AMMECR1: variants seen among roughly 807,000 people sequenced by gnomAD.
AMMECR1 encodes the protein nuclear protein AMMECR1.
AMMECR1 carries 3 observed loss-of-function variants against 22.5 expected under a neutral mutation model. The observed-to-expected ratio is 0.13, with a 90% confidence interval of 0.06 to 0.35. AMMECR1 has a LOEUF of 0.35. Ranked by LOEUF, AMMECR1 falls within the 10% of genes least tolerant of loss-of-function variation. The pLI, the probability that AMMECR1 is intolerant of heterozygous loss-of-function variation, is 1.00. For missense variants in AMMECR1, 235 were observed against 278.7 expected (o/e 0.84, Z 1.12); for synonymous variants, 130 against 116.7 (o/e 1.11, Z -0.74).
Position 110,317,852 on chromosome X carries a change from G to C in AMMECR1, c.220C>G (p.Gln74Glu), listed in dbSNP as rs1453532929. Residue 74 changes from glutamine to glutamate, a missense_variant, in exon 1 of 6, where the codon CAG becomes GAG. Gln to Glu is a conservative substitution (Grantham distance 29). Coordinates refer to ENST00000262844, the MANE Select transcript of AMMECR1 (RefSeq NM_015365.3). Reference sequence around the variant, plus strand: ...CCCCCGCCGCCGCCGCCGCAGCCCTGGGGGGGAGAGAGGGTACAGCCGCTG... The same window carrying C: ...CCCCCGCCGCCGCCGCCGCAGCCCTCGGGGGGAGAGAGGGTACAGCCGCTG... ...SGSGCTLSPP[Q>E]GCGGGGGGIA... 32 of 1,171,161 alleles carry C rather than the reference G, an allele frequency of 2.7e-5. No individual in the cohort carries two copies. The highest frequency in any genetic ancestry group is 4.8e-4 in the Middle Eastern group (2 of 4,198).
intron 2 of AMMECR1, among the ~76,000 whole-genome samples, chrX:110,245,143 G>C (rs866969346): frequency 2.7e-5 from 3 of 112,041 alleles, no homozygotes; most frequent in Non-Finnish European, 5.6e-5. Context: ...CCTTGCTGCA[G>C]CTGGATTTGG....
At chrX:110,199,984 A>G (rs750960728) in intron 5 of AMMECR1, among the ~76,000 whole-genome samples, 5 of 111,431 alleles carry the variant, frequency 4.5e-5, no homozygotes, top group Non-Finnish European at 9.4e-5. Context: ...CAGCTTCTCT[A>G]TTACACTAAA....
intron 2 of AMMECR1, among the ~76,000 whole-genome samples, chrX:110,359,321 T>C (rs2068247479): frequency 8.9e-6 from 1 of 111,815 alleles, no homozygotes; most frequent in Admixed American, 9.5e-5. Flanking sequence ...ATGAACCCTC[T>C]AATGTTTTCT....
At chrX:110,295,093 G>T (rs993631434) in intron 1 of AMMECR1, among the ~76,000 whole-genome samples, 5 of 110,236 alleles carry the variant, frequency 4.5e-5, no homozygotes, top group Non-Finnish European at 7.6e-5. Flanking sequence ...ATTTTCCACG[G>T]TCTATTTAGA....
intron 2 of AMMECR1, among the ~76,000 whole-genome samples, chrX:110,325,084 G>A (rs972053721): frequency 9.0e-6 from 1 of 111,648 alleles, no homozygotes; most frequent in Non-Finnish European, 1.9e-5. Context: ...TTCTTTAAAT[G>A]TGTGGTAGAA....
At chrX:110,276,952 T>C (rs2067829168) in intron 1 of AMMECR1, among the ~76,000 whole-genome samples, 1 of 111,156 alleles carries the variant, frequency 9.0e-6, no homozygotes, top group South Asian at 3.9e-4. Context: ...TGCTGTGGTC[T>C]AGAAACTGCC....
chrX:110,389,614 G>GT (rs1003890567), intron 2 of AMMECR1, among the ~76,000 whole-genome samples: 32 of 106,317 alleles, frequency 3.0e-4, no homozygotes, highest in East Asian at 5.8e-4. Flanking sequence ...CAATCTTTTT[G>GT]TTTTTTTTTT....
chrX:110,302,831 G>A lies in AMMECR1; in HGVS notation c.473+14768C>T, dbSNP rs753374880. ...AGAGGTTGCAGTGAGCCGAGATCAC[G>A]CCATTGCACTCCAGTCTAGGCGACA... On this transcript the variant is annotated intron_variant, in intron 1 of 5. Transcript: ENST00000262844. Among the ~76,000 whole-genome samples the A allele has an allele frequency of 2.3e-3, 257 of 110,304 alleles. 1 individual carries two copies. The highest frequency in any genetic ancestry group is 4.4e-3 in the Non-Finnish European group (234 of 52,772).
At chrX:110,267,187 C>CT (rs566141725) in intron 1 of AMMECR1, among the ~76,000 whole-genome samples, 3 of 111,238 alleles carry the variant, frequency 2.7e-5, no homozygotes, top group South Asian at 7.7e-4. Flanking sequence ...GATTTATAAT[C>CT]TTTTCGGCAT....
chrX:110,321,096 A>G (rs2148229609), upstream of AMMECR1, among the ~76,000 whole-genome samples: 1 of 112,094 alleles, frequency 8.9e-6, no homozygotes, highest in East Asian at 2.8e-4. Flanking sequence ...TTTCATTCAA[A>G]CATAAACTAA....
At chrX:110,296,840 T>C (rs1488097167) in intron 1 of AMMECR1, among the ~76,000 whole-genome samples, 1 of 110,981 alleles carries the variant, frequency 9.0e-6, no homozygotes, top group East Asian at 2.8e-4. Flanking sequence ...GATTTAAAGT[T>C]TCATCTAGTA....
intron 1 of AMMECR1, among the ~76,000 whole-genome samples, chrX:110,430,230 C>T: frequency 8.9e-6 from 1 of 112,746 alleles, no homozygotes; most frequent in Admixed American, 9.4e-5. Flanking sequence ...TGGTACTTTA[C>T]CGCTTCTTTT....
At chrX:110,323,513 T>C (rs1291488934) in intron 2 of AMMECR1, among the ~76,000 whole-genome samples, 1 of 112,395 alleles carries the variant, frequency 8.9e-6, no homozygotes, top group East Asian at 2.8e-4. Context: ...ATATTTGCCT[T>C]TTTGTGTCTG....
At chrX:110,397,237 C>A (rs1484905511) in intron 2 of AMMECR1, among the ~76,000 whole-genome samples, 1 of 111,371 alleles carries the variant, frequency 9.0e-6, no homozygotes, top group Non-Finnish European at 1.9e-5. Context: ...CTTCCACTCC[C>A]CTGATATCCC....
chrX:110,217,814 C>A (rs1352512752), intron 2 of AMMECR1, among the ~76,000 whole-genome samples: 2 of 111,112 alleles, frequency 1.8e-5, no homozygotes, highest in Non-Finnish European at 3.8e-5. Context: ...GCTGAATTTT[C>A]TTTTTTTCAT....
At chrX:110,273,537 T>C (rs1323429636) in intron 1 of AMMECR1, among the ~76,000 whole-genome samples, 5 of 112,515 alleles carry the variant, frequency 4.4e-5, no homozygotes, top group Non-Finnish European at 9.4e-5. Flanking sequence ...TTTTAGAGTT[T>C]TCATCATAAA....
intron 4 of AMMECR1, among the ~76,000 whole-genome samples, chrX:110,201,860 A>G (rs181105192): frequency 8.9e-6 from 1 of 112,349 alleles, no homozygotes; most frequent in African/African-American, 3.2e-5. Flanking sequence ...AAAATACTAC[A>G]GAGTGAAAAG....
chrX:110,213,561 T>C (rs1385376391), intron 3 of AMMECR1, among the ~76,000 whole-genome samples: 2 of 112,658 alleles, frequency 1.8e-5, no homozygotes, highest in African/African-American at 6.5e-5. Flanking sequence ...AGTGCTGTTA[T>C]GAACATTCAT....
At chrX:110,280,358 G>A in intron 1 of AMMECR1, among the ~76,000 whole-genome samples, 1 of 110,713 alleles carries the variant, frequency 9.0e-6, no homozygotes, top group Non-Finnish European at 1.9e-5. Flanking sequence ...CTTTAAAGAA[G>A]AATACCTAGA....
Sources: allele counts gnomAD v4.1 joint callset (sites outside exome capture counted in the v4.1 genomes callset), GRCh38; gene constraint gnomAD v4.1.1; transcripts MANE v1.5; gene names NCBI Gene and HGNC (gene_info 2026-07-23, HGNC 2026-07-21).